Variants in PARK7 observed in about 807,000 individuals in gnomAD.
PARK7 encodes the protein Parkinson disease protein 7.
A neutral mutation model predicts 20.5 loss-of-function variants in PARK7; 14 were observed. That is an observed-to-expected ratio of 0.68 (90% CI 0.45 to 1.07). PARK7 has a LOEUF of 1.07. Ranked by LOEUF, PARK7 falls within the 50% of genes least tolerant of loss-of-function variation. The probability of loss-of-function intolerance (pLI) is 0.00; values close to 1 mark genes in which losing one functional copy is unlikely to be tolerated. For synonymous variants in PARK7, 98 were observed against 84.3 expected (o/e 1.16, Z -0.89); for missense variants, 234 against 238.1 (o/e 0.98, Z 0.11).
intron 4 of PARK7, 60 bp from the exon 5 acceptor site, chr1:7,970,834 T>G (rs1640450186): frequency 6.5e-7 from 1 of 1,527,822 alleles, no homozygotes; most frequent in African/African-American, 1.4e-5. Context: ...AGTTTCCTAG[T>G]GAGTGATTGG....
At chr1:7,976,412 T>G (rs908905056) in intron 5 of PARK7, among the ~76,000 whole-genome samples, 1 of 152,234 alleles carries the variant, frequency 6.6e-6, no homozygotes, top group Non-Finnish European at 1.5e-5. Context: ...TAATCCTTAT[T>G]TAGGACCATT....
intron 6 of PARK7, among the ~76,000 whole-genome samples, chr1:7,982,274 A>G (rs1052970412): frequency 1.5e-4 from 23 of 151,736 alleles, no homozygotes; most frequent in African/African-American, 2.9e-4. Context: ...GGCATGAGCC[A>G]CTGCATCCGG....
chr1:7,968,462 T>C (rs1158747478), intron 3 of PARK7, among the ~76,000 whole-genome samples: 4 of 152,148 alleles, frequency 2.6e-5, no homozygotes, highest in Non-Finnish European at 4.4e-5. Context: ...GTTACATTTT[T>C]CATAAAGTTA....
At chr1:7,978,864 A>G (rs1017839272) in intron 6 of PARK7, among the ~76,000 whole-genome samples, 8 of 148,200 alleles carry the variant, frequency 5.4e-5, no homozygotes, top group Admixed American at 4.8e-4. Context: ...AAAAAAAAAA[A>G]GTTTCTTGTG....
chr1:7,977,629 G>C (rs1023075138), intron 5 of PARK7, 23 bp from the exon 6 acceptor site: 5 of 1,602,196 alleles, frequency 3.1e-6, no homozygotes, highest in African/African-American at 1.3e-5. Flanking sequence ...TCTGCACTTA[G>C]ATCTTTTTAT....
At chr1:7,966,050 A>C (rs1057184661) in intron 3 of PARK7, among the ~76,000 whole-genome samples, 3 of 151,994 alleles carry the variant, frequency 2.0e-5, no homozygotes, top group Non-Finnish European at 4.4e-5. Flanking sequence ...TATGGCTCTT[A>C]CCTTTAAGGA....
In PARK7 at chr1:7,962,722, A is replaced by G. The variant is rs945857643; in HGVS notation, c.-23-41A>G. ...AATTTTGGGGTATCTCAGGGTTGCA[A>G]TGAAAGTTTTTTGAAATCTTTTTTT... On this transcript the variant is annotated intron_variant, in intron 1 of 6. Transcript: ENST00000338639. The G allele has an allele frequency of 3.6e-6, 5 of 1,375,148 alleles. No individual in the cohort carries two copies. In the African/African-American group the frequency reaches 4.4e-5, roughly 12 times the overall value. 85.2% of individuals were successfully genotyped at this position (1,375,148 alleles called of 1,614,324 possible).
Position 7,984,714 on chromosome 1 carries a change from C to G in PARK7, c.410-180C>G. 1.4e-6 allele frequency: 1 copy of G among 694,684 alleles called. No homozygotes were observed. Among genetic ancestry groups the G allele is most frequent in the East Asian group, 2.8e-5 (1 of 35,412 alleles). 43.0% of individuals were successfully genotyped at this position (694,684 alleles called of 1,614,324 possible). On this transcript the variant is annotated intron_variant, in intron 6 of 6. Transcript: ENST00000338639. This position sits in a 1 kb window ranked among gnomAD's most constrained non-coding sequence, Gnocchi z 4.3. ...GGTTTCTGTCACCCTTTGCTCTGCACAGTTTTAAAAATACCTTTGTAGGGG... is the reference window on the plus strand; with the variant it reads ...GGTTTCTGTCACCCTTTGCTCTGCAGAGTTTTAAAAATACCTTTGTAGGGG...
chr1:7,977,852 C>T (rs535563946), intron 6 of PARK7, 114 bp downstream of exon 6: 15 of 835,162 alleles, frequency 1.8e-5, no homozygotes, highest in Admixed American at 5.9e-5. Context: ...CCCTGCCTCC[C>T]GGGTTCAAGC....
At chr1:7,973,968 A>G (rs1186393827) in intron 5 of PARK7, among the ~76,000 whole-genome samples, 1 of 151,662 alleles carries the variant, frequency 6.6e-6, no homozygotes, top group East Asian at 1.9e-4. Flanking sequence ...GGCTAGATGG[A>G]ATGCCATGCT....
intron 2 of PARK7, among the ~76,000 whole-genome samples, chr1:7,964,828 G>A (rs1489697896): frequency 6.6e-6 from 1 of 152,116 alleles, no homozygotes; most frequent in Non-Finnish European, 1.5e-5. Flanking sequence ...AGGTTTAAAT[G>A]GCAACAGTAA....
intron 6 of PARK7, among the ~76,000 whole-genome samples, chr1:7,983,597 G>A (rs545125031): frequency 2.9e-4 from 44 of 152,382 alleles, no homozygotes; most frequent in African/African-American, 9.1e-4. Flanking sequence ...TCCAGGCCCC[G>A]TGACATGGAG....
chr1:7,979,715 T>A (rs551658366), intron 6 of PARK7, among the ~76,000 whole-genome samples: 1 of 152,170 alleles, frequency 6.6e-6, no homozygotes, highest in Non-Finnish European at 1.5e-5. Context: ...TTGCACAGTC[T>A]GGTCTTGAAC....
At position 7,962,823 on chromosome 1, in the gene PARK7, G is replaced by A. The variant is rs1353830065; in HGVS notation, c.38G>A (p.Gly13Glu). 1 of 1,613,040 alleles carries A rather than the reference G, an allele frequency of 6.2e-7. No homozygotes were observed. Among genetic ancestry groups the A allele is most frequent in the East Asian group, 2.2e-5 (1 of 44,840 alleles). ...AGAGCTCTGGTCATCCTGGCTAAAG[G>A]AGCAGAGGAAATGGAGACGGTCATC... is the stretch of plus-strand genomic sequence containing the variant. ...SKRALVILAKGAEEMETVIPV... is the reference protein window; with the variant it reads ...SKRALVILAKEAEEMETVIPV... Residue 13 changes from glycine (G) to glutamate (E), a missense_variant, in exon 2 of 7, where the codon GGA (glycine) becomes GAA (glutamate). By Grantham distance (98) the Gly-to-Glu change is moderately conservative. Coordinates refer to ENST00000338639, the MANE Select transcript of PARK7 (RefSeq NM_007262.5).
intron 5 of PARK7, among the ~76,000 whole-genome samples, chr1:7,973,146 A>C (rs1640500041): frequency 6.6e-6 from 1 of 152,208 alleles, no homozygotes; most frequent in Non-Finnish European, 1.5e-5. Context: ...GAACCGTGGC[A>C]TTAGGGGCTG....
intron 6 of PARK7, among the ~76,000 whole-genome samples, 196 bp downstream of exon 6, chr1:7,977,934 A>G (rs564630501): frequency 9.8e-6 from 1 of 101,806 alleles, no homozygotes; most frequent in South Asian, 3.3e-4. Context: ...TAATTTTTGT[A>G]TTTTTAGTAG....
At chr1:7,966,812 C>G (rs774422761) in intron 3 of PARK7, among the ~76,000 whole-genome samples, 19 of 152,244 alleles carry the variant, frequency 1.2e-4, no homozygotes, top group Middle Eastern at 3.4e-3. Flanking sequence ...TTTCAATCGA[C>G]AGATAATAAG....
At chr1:7,970,726 T>C (rs1403680062) in intron 4 of PARK7, among the ~76,000 whole-genome samples, 168 bp from the exon 5 acceptor site, 1 of 152,222 alleles carries the variant, frequency 6.6e-6, no homozygotes, top group African/African-American at 2.4e-5. Context: ...GAATATAATA[T>C]AGACACATTT....
At chr1:7,963,272 C>T (rs541533331) in intron 2 of PARK7, among the ~76,000 whole-genome samples, 9 of 152,234 alleles carry the variant, frequency 5.9e-5, no homozygotes, top group African/African-American at 1.9e-4. Flanking sequence ...CCATGTTGCC[C>T]AGGCTGCTCT....
Sources: gnomAD v4.1 joint callset for allele counts (sites outside exome capture counted in the v4.1 genomes callset) on GRCh38, gnomAD v4.1.1 for gene constraint, Gnocchi (gnomAD v3.1) non-coding constraint, MANE v1.5 for transcripts, NCBI Gene and HGNC (gene_info 2026-07-23, HGNC 2026-07-21) for gene names.